BTRC: variants seen among roughly 807,000 people sequenced by gnomAD.
BTRC encodes the protein beta-transducin repeat containing E3 ubiquitin protein ligase.
Under a neutral mutation model 85.5 loss-of-function variants are expected in BTRC, and 42 were observed. The ratio of observed to expected loss-of-function variants is 0.49; its 90% CI spans 0.38 to 0.64. The LOEUF is 0.64. Ranked by LOEUF, BTRC falls within the 30% of genes least tolerant of loss-of-function variation. BTRC has a pLI of 0.00. For synonymous variants in BTRC, 255 were observed against 263.3 expected, an observed-to-expected ratio of 0.97 and a Z score of 0.30; for missense variants, 594 against 743.5, an observed-to-expected ratio of 0.80 and a Z score of 2.34.
At chr10:101,479,291 T>C (rs1016165869) in intron 3 of BTRC, 77 bp from the exon 4 acceptor site, 3 of 1,072,778 alleles carry the variant, frequency 2.8e-6, no homozygotes, top group African/African-American at 1.6e-5. Context: ...ACTTGAGAAA[T>C]AGAGCAGAAT....
chr10:101,538,271 T>G (rs749262212), intron 12 of BTRC, 22 bp from the exon 13 acceptor site: 8 of 1,602,706 alleles, frequency 5.0e-6, no homozygotes, highest in South Asian at 1.1e-5. Flanking sequence ...ACTAACATTT[T>G]TGTCCCCTTT....
chr10:101,355,210 A>G (rs1044187979), intron 1 of BTRC, among the ~76,000 whole-genome samples: 2 of 152,154 alleles, frequency 1.3e-5, no homozygotes, highest in Non-Finnish European at 2.9e-5. Flanking sequence ...AAAGACCCAT[A>G]AGAAGTGATG....
chr10:101,540,060 C>T (rs2062442818), intron 13 of BTRC, among the ~76,000 whole-genome samples: 1 of 152,156 alleles, frequency 6.6e-6, no homozygotes, highest in South Asian at 2.1e-4. Flanking sequence ...AGTATTTTCT[C>T]CACGTTCATA....
At chr10:101,548,154 C>T (rs1374024392) in intron 13 of BTRC, among the ~76,000 whole-genome samples, 17 of 152,176 alleles carry the variant, frequency 1.1e-4, no homozygotes, top group Non-Finnish European at 2.9e-5. Flanking sequence ...TATAAATTGG[C>T]ATGACTTTTA....
Position 101,430,375 on chromosome 10 carries a change from T to C in BTRC, c.79T>C (p.Cys27Arg). The C allele has an allele frequency of 1.2e-6, 2 of 1,614,118 alleles. No individual in the cohort carries two copies. Among genetic ancestry groups the C allele is most frequent in the Non-Finnish European group, 1.7e-6 (2 of 1,179,980 alleles). The change falls in exon 2 of 15, where the codon TGC (cysteine) becomes CGC (arginine). Residue 27 changes from cysteine (C) to arginine (R), a missense_variant. Transcript: ENST00000370187. ...CSMPRSLWLG[C>R]SSLADSMPSL... The stretch of plus-strand genomic sequence containing the variant: ...TATGCCCAGGTCTCTGTGGCTGGGC[T>C]GCTCCAGCCTGGCGGACAGCATGCC...
chr10:101,400,202 A>G (rs1459186586), intron 1 of BTRC, among the ~76,000 whole-genome samples: 1 of 152,262 alleles, frequency 6.6e-6, no homozygotes, highest in African/African-American at 2.4e-5. Flanking sequence ...CAAATAGCAA[A>G]GTAAATACAC....
intron 1 of BTRC, among the ~76,000 whole-genome samples, chr10:101,382,157 A>G (rs1942951689): frequency 6.6e-6 from 1 of 150,774 alleles, no homozygotes; most frequent in Non-Finnish European, 1.5e-5. Context: ...TAATTTTTGT[A>G]TTTTTAGTAG....
At chr10:101,388,457 G>T (rs988420348) in intron 1 of BTRC, among the ~76,000 whole-genome samples, 5 of 151,940 alleles carry the variant, frequency 3.3e-5, no homozygotes, top group Admixed American at 1.3e-4. Context: ...CTCCGAAAGT[G>T]CTGGGATTAC....
intron 2 of BTRC, among the ~76,000 whole-genome samples, chr10:101,443,117 C>G (rs1337838794): frequency 1.3e-5 from 2 of 151,946 alleles, no homozygotes; most frequent in Non-Finnish European, 2.9e-5. Context: ...CTCCTGACCT[C>G]GTGATCCGCC....
intron 1 of BTRC, among the ~76,000 whole-genome samples, chr10:101,362,526 G>A (rs1034078699): frequency 2.4e-4 from 37 of 152,150 alleles, no homozygotes; most frequent in African/African-American, 2.4e-4. Flanking sequence ...CTCCCGAGTA[G>A]CTGGGATTAC....
intron 1 of BTRC, among the ~76,000 whole-genome samples, chr10:101,386,128 A>G (rs2133970768): frequency 6.6e-6 from 1 of 152,270 alleles, no homozygotes; most frequent in South Asian, 2.1e-4. Context: ...GTCTATGATG[A>G]TGTAATTTTA....
At position 101,399,235 on chromosome 10, in the gene BTRC, G is replaced by A. The variant is rs568219107; in HGVS notation, c.49-31110G>A. On this transcript the variant is annotated intron_variant, in intron 1 of 14. Transcript: ENST00000370187. ...CTCCCAAAGTGCTGGGATTACAGGC[G>A]TGAGCCATCATGCCTATCCAGAAAC... 9.2e-5 allele frequency among the ~76,000 whole-genome samples: 14 copies of A among 151,862 alleles called. No individual in the cohort carries two copies. The South Asian group carries it at 2.3e-3, about 25-fold the overall frequency.
At chr10:101,550,615 A>T in intron 13 of BTRC, 84 bp from the exon 14 acceptor site, 2 of 1,419,202 alleles carry the variant, frequency 1.4e-6, no homozygotes, top group Non-Finnish European at 2.0e-6. Flanking sequence ...CTTTCCGTAG[A>T]CTCCTTTTGA....
At chr10:101,360,195 C>T (rs906691909) in intron 1 of BTRC, among the ~76,000 whole-genome samples, 5 of 152,018 alleles carry the variant, frequency 3.3e-5, no homozygotes, top group Non-Finnish European at 7.4e-5. Flanking sequence ...GCTGGGAATA[C>T]AGGCATGTGC....
At chr10:101,544,904 A>G (rs1006230117) in intron 13 of BTRC, among the ~76,000 whole-genome samples, 2 of 152,054 alleles carry the variant, frequency 1.3e-5, no homozygotes, top group Non-Finnish European at 2.9e-5. Flanking sequence ...AAATACAAAG[A>G]TTAGCTGGGC....
At chr10:101,427,158 G>T (rs531938878) in intron 1 of BTRC, among the ~76,000 whole-genome samples, 1 of 128,682 alleles carries the variant, frequency 7.8e-6, no homozygotes, top group South Asian at 2.4e-4. Flanking sequence ...TTGTTCTGTC[G>T]CCAGGCTGGA....
chr10:101,451,067 A>G (rs1944944283), intron 2 of BTRC, among the ~76,000 whole-genome samples: 1 of 152,218 alleles, frequency 6.6e-6, no homozygotes, highest in East Asian at 1.9e-4. Context: ...AAAATGGGCA[A>G]GCAAGAATTT....
intron 1 of BTRC, among the ~76,000 whole-genome samples, chr10:101,367,974 G>A (rs1459525179): frequency 4.6e-5 from 7 of 152,162 alleles, no homozygotes; most frequent in South Asian, 2.1e-4. Context: ...TGGAATCGCT[G>A]GGTCACAGGG....
At chr10:101,402,612 A>T (rs895899693) in intron 1 of BTRC, among the ~76,000 whole-genome samples, 2 of 152,222 alleles carry the variant, frequency 1.3e-5, no homozygotes, top group African/African-American at 4.8e-5. Flanking sequence ...GATGGACTTA[A>T]ATTACAGAAT....
Sources: gnomAD v4.1 joint callset for allele counts (sites outside exome capture counted in the v4.1 genomes callset) on GRCh38, gnomAD v4.1.1 for gene constraint, MANE v1.5 for transcripts, NCBI Gene and HGNC (gene_info 2026-07-23, HGNC 2026-07-21) for gene names.